The following TANC1 variants were observed in gnomAD, a reference collection of about 807,000 sequenced individuals.
The protein encoded by TANC1 is protein TANC1.
Under a neutral mutation model 149.7 loss-of-function variants are expected in TANC1, and 77 were observed. The observed-to-expected ratio is 0.51, with a 90% CI of 0.43 to 0.62. The LOEUF is 0.62. Ranked by LOEUF, TANC1 falls within the 20% of genes least tolerant of loss-of-function variation. The pLI is 0.00. For synonymous variants in TANC1, 854 were observed against 925.0 expected (o/e 0.92, Z 1.39); for missense variants, 1,985 against 2,321.8 (o/e 0.85, Z 2.98).
intron 19 of TANC1, among the ~76,000 whole-genome samples, chr2:159,207,528 C>T (rs1385232438): frequency 2.0e-5 from 3 of 151,596 alleles, no homozygotes; most frequent in Admixed American, 6.6e-5. Context: ...GGTGAAACCC[C>T]GTCTCTACTA....
Position 159,196,684 on chromosome 2 carries a change from A to G in TANC1, c.3056A>G (p.Tyr1019Cys). The stretch of plus-strand genomic sequence containing the variant: ...CGGGGCCACGGTGACATTCTCCAGT[A>G]CCTGCTGACTTGTGAGTGGTCGCCG... ...ALRGHGDILQYLLTCEWSPGP... is the reference protein window; with the variant it reads ...ALRGHGDILQCLLTCEWSPGP... Residue 1019 changes from tyrosine (Y) to cysteine (C), a missense_variant, in exon 18 of 27, where the codon TAC (tyrosine) becomes TGC (cysteine). Coordinates refer to ENST00000263635, the MANE Select transcript of TANC1 (RefSeq NM_033394.3). 6.2e-7 allele frequency: 1 copy of G among 1,614,066 alleles called. No individual in the cohort carries two copies. The highest frequency in any genetic ancestry group is 8.5e-7 in the Non-Finnish European group (1 of 1,179,986).
chr2:159,196,037 G>A (rs1002221134), intron 17 of TANC1, among the ~76,000 whole-genome samples: 5 of 152,168 alleles, frequency 3.3e-5, no homozygotes, highest in African/African-American at 9.6e-5. Context: ...CCCTGACTTT[G>A]TGGCCGCCCC....
chr2:159,185,823 C>T lies in TANC1; in HGVS notation c.2543C>T (p.Ser848Leu), dbSNP rs754475794. Residue 848 changes from serine to leucine, a missense_variant, in exon 15 of 27, where the codon TCG becomes TTG. Coordinates refer to ENST00000263635, the MANE Select transcript of TANC1 (RefSeq NM_033394.3). ...CACGCGCTCTTGGCATTCATGTTCT[C>T]GCGTCAGGAGGGCAAGTTGAACCGC... ...NGHALLAFMF[S>L]RQEGKLNRQQ... 2.3e-5 allele frequency: 37 copies of T among 1,614,058 alleles called. No individual in the cohort carries two copies. The highest frequency in any genetic ancestry group is 3.1e-5 in the Non-Finnish European group (37 of 1,179,980).
At chr2:158,976,878 C>T (rs1296500716) in intron 1 of TANC1, among the ~76,000 whole-genome samples, 1 of 152,032 alleles carries the variant, frequency 6.6e-6, no homozygotes, top group African/African-American at 2.4e-5. Context: ...GAGACTCCGT[C>T]TTGAAAAACA....
At chr2:159,112,821 T>C (rs1348381572) in intron 4 of TANC1, among the ~76,000 whole-genome samples, 1 of 151,952 alleles carries the variant, frequency 6.6e-6, no homozygotes, top group East Asian at 1.9e-4. Context: ...CCTCAAGCTA[T>C]CCCCCAGCCT....
At chr2:159,157,678 C>T (rs1326266378) in intron 7 of TANC1, among the ~76,000 whole-genome samples, 1 of 152,204 alleles carries the variant, frequency 6.6e-6, no homozygotes, top group South Asian at 2.1e-4. Context: ...TCACTTCTTC[C>T]TTTCATCCAC....
intron 3 of TANC1, among the ~76,000 whole-genome samples, chr2:159,084,412 T>G (rs2044624081): frequency 6.6e-6 from 1 of 152,178 alleles, no homozygotes; most frequent in African/African-American, 2.4e-5. Context: ...TTGAACATGT[T>G]TTTGTGGGGA....
At chr2:159,186,732 T>G in intron 15 of TANC1, 170 bp from the exon 16 acceptor site, 1 of 720,638 alleles carries the variant, frequency 1.4e-6, no homozygotes, top group South Asian at 1.9e-5. Flanking sequence ...TGGTTTCAGG[T>G]AGTGAAAGCT....
rs1197668698 is a variant in TANC1, at chr2:159,102,911, G to C, written c.259+5077G>C. On this transcript the variant is annotated intron_variant, in intron 4 of 26. Transcript: ENST00000263635. ...TTTTTTGTATTTTTAGTAGAGACAG[G>C]GTTTCACCGTGTTAGCCAGGATGGT... Among the ~76,000 whole-genome samples the C allele has an allele frequency of 4.6e-5, 4 of 86,190 alleles. 1 individual carries two copies. The highest frequency in any genetic ancestry group is 6.4e-5 in the African/African-American group (2 of 31,172). The allele number at this position is 86,190 out of a possible 152,430, so 56.5% of individuals were successfully genotyped here.
chr2:159,226,353 C>G (rs1446627188), intron 24 of TANC1: 1 of 157,846 alleles, frequency 6.3e-6, no homozygotes, highest in African/African-American at 2.4e-5. Flanking sequence ...TGGCGTGAAG[C>G]TGAGTCACCT....
chr2:159,193,893 C>T (rs572723813), intron 16 of TANC1, among the ~76,000 whole-genome samples: 1 of 151,984 alleles, frequency 6.6e-6, no homozygotes, highest in Non-Finnish European at 1.5e-5. Context: ...GTTGCCCAGG[C>T]TAGAGTGCAG....
intron 22 of TANC1, among the ~76,000 whole-genome samples, chr2:159,223,523 A>C (rs750503298): frequency 1.3e-5 from 2 of 152,228 alleles, no homozygotes; most frequent in Non-Finnish European, 2.9e-5. Context: ...TAGGAAGCAT[A>C]TATTTTTAGA....
intron 26 of TANC1, 110 bp downstream of exon 26, chr2:159,229,006 A>G: frequency 1.3e-6 from 1 of 789,284 alleles, no homozygotes; most frequent in East Asian, 2.5e-5. Flanking sequence ...GGTGCCTCTC[A>G]TCCTTTTTAG....
chr2:159,028,370 C>G (rs1288368486), intron 2 of TANC1, among the ~76,000 whole-genome samples: 5 of 152,170 alleles, frequency 3.3e-5, no homozygotes, highest in African/African-American at 1.2e-4. Flanking sequence ...ATTTGCCCGC[C>G]TTGGCCTCCC....
At chr2:159,124,308 C>T (rs760489462) in intron 4 of TANC1, among the ~76,000 whole-genome samples, 1 of 152,166 alleles carries the variant, frequency 6.6e-6, no homozygotes, top group Non-Finnish European at 1.5e-5. Flanking sequence ...CGCACCACTG[C>T]ACTCCATCCT....
At chr2:159,225,358 G>A (rs1330017407) in intron 23 of TANC1, 10 of 393,548 alleles carry the variant, frequency 2.5e-5, no homozygotes, top group Middle Eastern at 1.6e-3. Flanking sequence ...CACGGTGGCC[G>A]CTGCAGGAAC....
chr2:159,002,725 G>A (rs1434783990), intron 2 of TANC1, among the ~76,000 whole-genome samples: 1 of 152,210 alleles, frequency 6.6e-6, no homozygotes, highest in Non-Finnish European at 1.5e-5. Context: ...GTTTACTTTA[G>A]ATTCAGCAGG....
At chr2:159,203,487 G>A (rs1412471114) in intron 19 of TANC1, among the ~76,000 whole-genome samples, 2 of 152,162 alleles carry the variant, frequency 1.3e-5, no homozygotes, top group African/African-American at 4.8e-5. Context: ...TTACAGGTGT[G>A]AGCCACCACG....
intron 4 of TANC1, among the ~76,000 whole-genome samples, chr2:159,124,014 G>A (rs2049129990): frequency 6.6e-6 from 1 of 152,052 alleles, no homozygotes; most frequent in African/African-American, 2.4e-5. Context: ...TTGGGCTGTG[G>A]GCAAGGTCTT....
Sources: gnomAD v4.1 joint callset for allele counts (sites outside exome capture counted in the v4.1 genomes callset) on GRCh38, gnomAD v4.1.1 for gene constraint, MANE v1.5 for transcripts, NCBI Gene and HGNC (gene_info 2026-07-23, HGNC 2026-07-21) for gene names.